Variants in CNTNAP3B observed in about 807,000 individuals in gnomAD.
CNTNAP3B encodes contactin associated protein family member 3B, also known as contactin-associated protein-like 3B.
Under a neutral mutation model 108.9 loss-of-function variants are expected in CNTNAP3B, and 25 were observed. The observed-to-expected ratio is 0.23, with a 90% confidence interval of 0.17 to 0.32. The LOEUF (loss-of-function observed/expected upper bound fraction) is 0.32. CNTNAP3B is among the 10% of genes least tolerant of loss of function. CNTNAP3B has a pLI of 1.00. For missense variants in CNTNAP3B, 252 were observed against 1,210.4 expected (o/e 0.21, Z 11.75); for synonymous variants, 103 against 473.4 (o/e 0.22, Z 10.16).
intron 2 of CNTNAP3B, among the ~76,000 whole-genome samples, chr9:42,088,949 G>T (rs1827762098): frequency 7.5e-6 from 1 of 132,968 alleles, no homozygotes; most frequent in Non-Finnish European, 1.6e-5. Context: ...AGGCGTGGTG[G>T]CTCACACCTG....
At chr9:42,103,524 C>T (rs1189162380) in intron 2 of CNTNAP3B, among the ~76,000 whole-genome samples, 2 of 122,358 alleles carry the variant, frequency 1.6e-5, no homozygotes, top group African/African-American at 7.0e-5. Flanking sequence ...GAGATCCAGA[C>T]CACCTTGGCT....
rs775182733 is a variant in CNTNAP3B at position 42,076,860 on chromosome 9, G to C, written c.390+9C>G. On this transcript the variant is annotated intron_variant, in intron 3 of 23. Transcript: ENST00000377561. ...CAATAGGTAGCAATTATTGTTATTA[G>C]AAACATACCCAGATGCTTTCTTCTC... 6.5e-7 allele frequency: 1 copy of C among 1,540,466 alleles called. No homozygotes were observed. Among genetic ancestry groups the C allele is most frequent in the South Asian group, 1.2e-5 (1 of 86,346 alleles).
chr9:42,109,019 A>G (rs1329371189), intron 1 of CNTNAP3B, among the ~76,000 whole-genome samples: 4 of 139,476 alleles, frequency 2.9e-5, no homozygotes, highest in African/African-American at 1.1e-4. Context: ...ATGATTAAAA[A>G]ATCAATTTGA....
rs569609296 is a variant in CNTNAP3B at position 41,952,313 on chromosome 9, C to T, written c.2080+870G>A. The stretch of plus-strand genomic sequence containing the variant: ...TTTAAGACAAGGTGTTGCTCTGCTG[C>T]CCAAGCTGGAGGCAGTGAAGCAATC... On this transcript the variant is annotated intron_variant, in intron 13 of 23. Transcript: ENST00000377561. Among the ~76,000 whole-genome samples, 20 of 152,286 alleles carry T rather than the reference C, an allele frequency of 1.3e-4. No homozygotes were observed. The South Asian group carries it at 2.5e-3, about 19-fold the overall frequency.
intron 18 of CNTNAP3B, among the ~76,000 whole-genome samples, chr9:41,917,671 T>C (rs1588037585): frequency 6.7e-6 from 1 of 148,256 alleles, no homozygotes; most frequent in East Asian, 2.0e-4. Context: ...TTTTTCCAGC[T>C]GCCACACCTG....
Position 42,097,856 on chromosome 9 carries a change from C to T in CNTNAP3B, c.196+6773G>A, listed in dbSNP as rs575011401. Among the ~76,000 whole-genome samples, 16 of 137,804 alleles carry T rather than the reference C, an allele frequency of 1.2e-4. 1 individual carries two copies. The East Asian group carries it at 3.3e-3, about 28-fold the overall frequency. The allele number at this position is 137,804 out of a possible 152,430, so 90.4% of individuals were successfully genotyped here. ...TAAAGAACATTAACTGAGGACTTTG[C>T]TAAGCATTTATTTAATTAGGGAAAG... On this transcript the variant is annotated intron_variant, in intron 2 of 23. Coordinates refer to ENST00000377561, the MANE Select transcript of CNTNAP3B (RefSeq NM_001201380.3).
At chr9:41,956,106 G>A (rs1300058575) in intron 12 of CNTNAP3B, among the ~76,000 whole-genome samples, 1 of 152,238 alleles carries the variant, frequency 6.6e-6, no homozygotes, top group Non-Finnish European at 1.5e-5. Context: ...ATTGGTTGTG[G>A]CCAGGCGTGG....
rs1161596213 is a variant in CNTNAP3B, at chr9:41,940,208, C to T, written c.2081-1808G>A. Among the ~76,000 whole-genome samples, 53 of 152,292 alleles carry T rather than the reference C, an allele frequency of 3.5e-4. No individual in the cohort carries two copies. The East Asian group carries it at 8.0e-3, about 23-fold the overall frequency. ...CTGAAAAAATACTGGCTGTAAACTT[C>T]CCACATGTGGTGAAAGATACAAACC... On this transcript the variant is annotated intron_variant, in intron 13 of 23. Transcript: ENST00000377561.
chr9:41,973,927 C>A (rs926941992), intron 9 of CNTNAP3B, among the ~76,000 whole-genome samples: 1 of 136,528 alleles, frequency 7.3e-6, no homozygotes, highest in Non-Finnish European at 1.6e-5. Context: ...TCACTGCAAC[C>A]TTTGCCTTCC....
chr9:41,916,713 A>G (rs1823526833), intron 18 of CNTNAP3B, among the ~76,000 whole-genome samples: 1 of 145,814 alleles, frequency 6.9e-6, no homozygotes, highest in African/African-American at 2.6e-5. Context: ...TCTTTTTGTT[A>G]GGAACATTCC....
chr9:42,103,585 A>G lies in CNTNAP3B; in HGVS notation c.196+1044T>C, dbSNP rs1257177193. ...AAAAAAAAAAAAAAAAATACAAAAA[A>G]TTAGTCAGGCCTGGTGGCGGGTGCC... On this transcript the variant is annotated intron_variant, in intron 2 of 23. Coordinates refer to ENST00000377561, the MANE Select transcript of CNTNAP3B (RefSeq NM_001201380.3). 9.2e-5 allele frequency among the ~76,000 whole-genome samples: 11 copies of G among 119,558 alleles called. 1 individual carries two copies. The highest frequency in any genetic ancestry group is 3.4e-4 in the Admixed American group (4 of 11,800). The allele number at this position is 119,558 out of a possible 152,430, so 78.4% of individuals were successfully genotyped here.
intron 12 of CNTNAP3B, among the ~76,000 whole-genome samples, chr9:41,959,175 G>T (rs1281105009): frequency 6.7e-6 from 1 of 148,650 alleles, no homozygotes; most frequent in African/African-American, 2.5e-5. Flanking sequence ...TTTTCAGTTT[G>T]CCTGGCTTTT....
rs534668261 is a variant in CNTNAP3B at position 42,096,381 on chromosome 9, C to T, written c.196+8248G>A. On this transcript the variant is annotated intron_variant, in intron 2 of 23. Transcript: ENST00000377561. ...GCAGAAAAATTAAAACACCTTTAGCCTGCTCAATTCCCTTTCAAACTTTTT... is the reference window on the plus strand; with the variant it reads ...GCAGAAAAATTAAAACACCTTTAGCTTGCTCAATTCCCTTTCAAACTTTTT... Among the ~76,000 whole-genome samples the T allele has an allele frequency of 2.8e-4, 40 of 140,622 alleles. 3 individuals carry two copies. Among genetic ancestry groups the T allele is most frequent in the African/African-American group, 1.1e-3 (39 of 35,746 alleles). The allele number at this position is 140,622 out of a possible 152,430, so 92.3% of individuals were successfully genotyped here. A position where few individuals can be genotyped will look rare whatever the true frequency, so the allele number is the denominator to read the frequency against.
At chr9:42,078,586 A>G (rs1235691573) in intron 2 of CNTNAP3B, among the ~76,000 whole-genome samples, 1 of 136,418 alleles carries the variant, frequency 7.3e-6, no homozygotes, top group East Asian at 2.2e-4. Flanking sequence ...CTGATAACCA[A>G]CACTGTGCAT....
At chr9:41,930,450 G>A (rs1276183303) in intron 14 of CNTNAP3B, among the ~76,000 whole-genome samples, 3 of 152,416 alleles carry the variant, frequency 2.0e-5, no homozygotes, top group Non-Finnish European at 2.9e-5. Flanking sequence ...GGCTGAGGTG[G>A]GAGGATCCCT....
chr9:41,966,994 C>A (rs11521995), intron 10 of CNTNAP3B, among the ~76,000 whole-genome samples: 1 of 149,702 alleles, frequency 6.7e-6, no homozygotes, highest in East Asian at 1.9e-4. Flanking sequence ...AACACCTATC[C>A]AAACATAAAC....
In CNTNAP3B at chr9:42,098,860, G is replaced by T. The variant is rs1446373232; in HGVS notation, c.196+5769C>A. ...ATCCACTCCTGGAAGGCTGTGTGCTGTGCTATAAGAGAAGCTGATGCCTCT... is the reference window on the plus strand; with the variant it reads ...ATCCACTCCTGGAAGGCTGTGTGCTTTGCTATAAGAGAAGCTGATGCCTCT... On this transcript the variant is annotated intron_variant, in intron 2 of 23. Transcript: ENST00000377561. 1.5e-5 allele frequency among the ~76,000 whole-genome samples: 2 copies of T among 130,894 alleles called. 1 individual carries two copies. Among genetic ancestry groups the T allele is most frequent in the Admixed American group, 1.5e-4 (2 of 13,014 alleles). The allele number at this position is 130,894 out of a possible 152,430, so 85.9% of individuals were successfully genotyped here. A position where few individuals can be genotyped will look rare whatever the true frequency, so the allele number is the denominator to read the frequency against.
chr9:41,932,508 CTTTT>C (rs1175456758), intron 14 of CNTNAP3B, among the ~76,000 whole-genome samples: 4 of 146,526 alleles, frequency 2.7e-5, no homozygotes, highest in Admixed American at 6.9e-5. Flanking sequence ...AACTTTTTAA[CTTTT>C]TTTTCTTCTT....
chr9:42,020,582 G>A (rs1250565356), intron 3 of CNTNAP3B, among the ~76,000 whole-genome samples: 1 of 147,806 alleles, frequency 6.8e-6, no homozygotes, highest in Non-Finnish European at 1.5e-5. Context: ...CTCGTTCTGG[G>A]ACATGATAGG....
Sources: allele counts gnomAD v4.1 joint callset (sites outside exome capture counted in the v4.1 genomes callset), GRCh38; gene constraint gnomAD v4.1.1; transcripts MANE v1.5; gene names NCBI Gene and HGNC (gene_info 2026-07-23, HGNC 2026-07-21).